Variants in LINGO2 observed in about 807,000 individuals in gnomAD.
The protein encoded by LINGO2 is leucine-rich repeat and immunoglobulin-like domain-containing nogo receptor-interacting protein 2.
Under a neutral mutation model 30.6 loss-of-function variants are expected in LINGO2, and 14 were observed. The ratio of observed to expected loss-of-function variants is 0.46; its 90% CI spans 0.30 to 0.72. The LOEUF is 0.72. LINGO2 is among the 30% of genes least tolerant of loss of function. LINGO2 has a pLI of 0.07. For synonymous variants in LINGO2, 317 were observed against 288.5 expected (o/e 1.10, Z -1.00); for missense variants, 729 against 751.7 (o/e 0.97, Z 0.35).
intron 4 of LINGO2, among the ~76,000 whole-genome samples, chr9:28,037,589 G>A (rs1383428530): frequency 6.6e-6 from 1 of 152,094 alleles, no homozygotes; most frequent in Non-Finnish European, 1.5e-5. Flanking sequence ...TAATTTGTTT[G>A]TTATGTAGTT....
intron 1 of LINGO2, among the ~76,000 whole-genome samples, chr9:28,560,876 A>G (rs866061995): frequency 2.0e-5 from 3 of 151,870 alleles, no homozygotes; most frequent in Middle Eastern, 3.4e-3. Flanking sequence ...GGTTTCTCCA[A>G]GTTGCTCAGG....
chr9:28,264,678 CCA>C (rs1212065929), intron 4 of LINGO2, among the ~76,000 whole-genome samples: 1 of 151,872 alleles, frequency 6.6e-6, no homozygotes, highest in Non-Finnish European at 1.5e-5. Context: ...TCTAGCTCGG[CCA>C]CACACACTGA....
chr9:28,494,870 C>T (rs1309134667), intron 1 of LINGO2, among the ~76,000 whole-genome samples: 1 of 152,198 alleles, frequency 6.6e-6, no homozygotes, highest in Non-Finnish European at 1.5e-5. Flanking sequence ...CACATCCTCT[C>T]CAGCACCTGT....
intron 4 of LINGO2, among the ~76,000 whole-genome samples, chr9:28,153,555 A>C (rs2123202): frequency 0.25 from 37,428 of 152,124 alleles, 4,632 homozygotes; most frequent in African/African-American, 0.26. Flanking sequence ...AATGCAACCC[A>C]AAATCACATA....
At chr9:29,181,769 CCAGA>C in the LINGO2 span, among the ~76,000 whole-genome samples, 6 of 150,990 alleles carry the variant, frequency 4.0e-5, no homozygotes, top group Non-Finnish European at 8.8e-5. Flanking sequence ...ACCACACAGC[CCAGA>C]CAAACAGCCC....
chr9:28,790,473 C>G, the LINGO2 span, among the ~76,000 whole-genome samples: 2 of 150,918 alleles, frequency 1.3e-5, no homozygotes, highest in African/African-American at 4.9e-5. Context: ...GGACTACAGG[C>G]GCCCGCCACC....
chr9:28,298,564 T>C lies in LINGO2; in HGVS notation c.-245-3198A>G, dbSNP rs551784022. Among the ~76,000 whole-genome samples, 6 of 150,732 alleles carry C rather than the reference T, an allele frequency of 4.0e-5. No individual in the cohort carries two copies. In the East Asian group the frequency reaches 7.8e-4, roughly 20 times the overall value. ...TGGGAGTGGTGGTGCATGCCTGTAA[T>C]CCCAGCTACTCGGGAGGCTGAGGCA... On this transcript the variant is annotated intron_variant, in intron 3 of 5. Coordinates refer to ENST00000379992, the Ensembl canonical transcript of LINGO2.
At chr9:28,449,475 A>T (rs1367160949) in intron 2 of LINGO2, among the ~76,000 whole-genome samples, 1 of 152,092 alleles carries the variant, frequency 6.6e-6, no homozygotes, top group African/African-American at 2.4e-5. Context: ...GCCTGTTGCC[A>T]ATGCTCTTTT....
At chr9:28,303,082 C>A (rs902669685) in intron 3 of LINGO2, among the ~76,000 whole-genome samples, 5 of 152,144 alleles carry the variant, frequency 3.3e-5, no homozygotes, top group Non-Finnish European at 5.9e-5. Flanking sequence ...CAACCCATTT[C>A]TTTCTCTATT....
At chr9:28,822,398 G>A in the LINGO2 span, among the ~76,000 whole-genome samples, 5 of 152,280 alleles carry the variant, frequency 3.3e-5, no homozygotes, top group East Asian at 7.7e-4. Flanking sequence ...AGAAATGCAA[G>A]CAATGTATGA....
At chr9:29,172,472 T>C in the LINGO2 span, among the ~76,000 whole-genome samples, 1 of 151,962 alleles carries the variant, frequency 6.6e-6, no homozygotes, top group Non-Finnish European at 1.5e-5. Flanking sequence ...ACAAGAACTC[T>C]GGATTCAGAA....
chr9:28,179,418 A>G (rs1828841968), intron 4 of LINGO2, among the ~76,000 whole-genome samples: 1 of 138,718 alleles, frequency 7.2e-6, no homozygotes, highest in Admixed American at 7.6e-5. Context: ...AGTATACTAT[A>G]TGTATGTATA....
the LINGO2 span, among the ~76,000 whole-genome samples, chr9:29,121,178 C>T: frequency 2.0e-5 from 3 of 152,120 alleles, no homozygotes; most frequent in Non-Finnish European, 4.4e-5. Context: ...TCTTGATGCA[C>T]ACAGATGAGC....
At chr9:28,037,056 T>C (rs1412963577) in intron 4 of LINGO2, among the ~76,000 whole-genome samples, 1 of 152,200 alleles carries the variant, frequency 6.6e-6, no homozygotes, top group East Asian at 1.9e-4. Flanking sequence ...ATGCTGCTGC[T>C]TGGCTTATTG....
At chr9:28,105,425 G>T (rs1021817163) in intron 4 of LINGO2, among the ~76,000 whole-genome samples, 2 of 152,112 alleles carry the variant, frequency 1.3e-5, no homozygotes, top group African/African-American at 4.8e-5. Flanking sequence ...CTACTCTGGG[G>T]AGATAAATCA....
At chr9:28,156,951 C>T (rs1193152059) in intron 4 of LINGO2, among the ~76,000 whole-genome samples, 3 of 152,202 alleles carry the variant, frequency 2.0e-5, no homozygotes, top group Non-Finnish European at 4.4e-5. Context: ...TACAAGCTCC[C>T]CTTGGCTGCC....
intron 2 of LINGO2, among the ~76,000 whole-genome samples, chr9:28,404,923 TGTG>T (rs1564178541): frequency 2.1e-5 from 3 of 140,118 alleles, no homozygotes; most frequent in Non-Finnish European, 4.8e-5. Context: ...TGTGTGTGTG[TGTG>T]TAAAATTCCA....
chr9:29,045,486 G>T, the LINGO2 span, among the ~76,000 whole-genome samples: 1 of 151,548 alleles, frequency 6.6e-6, no homozygotes, highest in Non-Finnish European at 1.5e-5. Context: ...GCTACCTTTT[G>T]TATGCAATAC....
the LINGO2 span, among the ~76,000 whole-genome samples, chr9:28,765,270 T>C: frequency 3.4e-4 from 52 of 152,144 alleles, no homozygotes; most frequent in South Asian, 0.01. Flanking sequence ...GCTATTAGAA[T>C]AAAAATAGCA....
Sources: allele counts gnomAD v4.1 joint callset (sites outside exome capture counted in the v4.1 genomes callset), GRCh38; gene constraint gnomAD v4.1.1; transcripts MANE v1.5; gene names NCBI Gene and HGNC (gene_info 2026-07-23, HGNC 2026-07-21).